Variants in SP110 observed in about 807,000 individuals in gnomAD.
The protein encoded by SP110 is SP110 nuclear body protein.
SP110 carries 62 observed loss-of-function variants against 92.7 expected under a neutral mutation model. The ratio of observed to expected loss-of-function variants is 0.67; its 90% CI spans 0.55 to 0.83. SP110 has a LOEUF of 0.83. Ranked by LOEUF, SP110 falls within the 40% of genes least tolerant of loss-of-function variation. The probability of loss-of-function intolerance (pLI) is 0.00; values close to 1 mark genes in which losing one functional copy is unlikely to be tolerated. For missense variants in SP110, 793 were observed against 863.9 expected (o/e 0.92, Z 1.03); for synonymous variants, 273 against 305.3 (o/e 0.89, Z 1.10).
At chr2:230,195,885 C>T (rs1011983689) in intron 10 of SP110, among the ~76,000 whole-genome samples, 3 of 151,878 alleles carry the variant, frequency 2.0e-5, no homozygotes, top group African/African-American at 7.3e-5. Context: ...AGGTTAATAT[C>T]CTTATTAGAT....
intron 1 of SP110, among the ~76,000 whole-genome samples, chr2:230,225,228 T>C (rs10209615): frequency 0.13 from 20,410 of 152,238 alleles, 1,529 homozygotes; most frequent in Middle Eastern, 0.23. Flanking sequence ...ACCTCATTTC[T>C]CTGCCCAACC....
intron 14 of SP110, among the ~76,000 whole-genome samples, chr2:230,176,946 C>T (rs1444930792): frequency 1.3e-5 from 2 of 152,196 alleles, no homozygotes; most frequent in African/African-American, 4.8e-5. Flanking sequence ...AAACCCACGA[C>T]CCTAGTTCTT....
chr2:230,172,247 G>A, intron 15 of SP110, 73 bp from the exon 16 acceptor site: 1 of 955,234 alleles, frequency 1.0e-6, no homozygotes, highest in South Asian at 1.3e-5. Context: ...GGCTGCCACT[G>A]TCTTCCCTCA....
intron 14 of SP110, 117 bp from the exon 15 acceptor site, chr2:230,173,076 T>G: frequency 1.4e-6 from 1 of 718,870 alleles, no homozygotes; most frequent in South Asian, 1.5e-5. Flanking sequence ...CCAAACCCAA[T>G]TTTTGATGGG....
rs1036778665 is a variant in SP110 at position 230,168,997 on chromosome 2, A to T, written c.*127T>A. 6.6e-6 allele frequency: 5 copies of T among 756,728 alleles called. No homozygotes were observed. In the Admixed American group the frequency reaches 8.6e-5, roughly 13 times the overall value. The allele number at this position is 756,728 out of a possible 1,614,324, so 46.9% of individuals were successfully genotyped here. A position where few individuals can be genotyped will look rare whatever the true frequency, so the allele number is the denominator to read the frequency against. On this transcript the variant is annotated 3_prime_UTR_variant, in exon 19 of 19. Transcript: ENST00000258381. ...AGATGGAGGGTGTGATAATCCTATG[A>T]AGTGTCTGGGTTTGGGTCCTGAGGG...
Position 230,216,936 on chromosome 2 carries a change from A to C in SP110, c.-1-8T>G, listed in dbSNP as rs762131609. The C allele has an allele frequency of 6.2e-7, 1 of 1,612,560 alleles. No homozygotes were observed. Among genetic ancestry groups the C allele is most frequent in the South Asian group, 1.1e-5 (1 of 90,972 alleles). On this transcript the variant is annotated splice_region_variant and splice_polypyrimidine_tract_variant and intron_variant, in intron 1 of 18. Coordinates refer to ENST00000258381, the MANE Select transcript of SP110 (RefSeq NM_080424.4). ...CTTGTCATGGTGAACATCCTATGGAAAGAGGCATGATAAAAAATAGAAGCA... is the reference window on the plus strand; with the variant it reads ...CTTGTCATGGTGAACATCCTATGGACAGAGGCATGATAAAAAATAGAAGCA...
In SP110 at chr2:230,193,665, G is replaced by A. The variant is rs193115997; in HGVS notation, c.1129+7220C>T. On this transcript the variant is annotated intron_variant, in intron 10 of 18. Transcript: ENST00000258381. ...CTTGGCTGAGAGTTATTCTGTTTAA[G>A]GAGACTAAAGATAAGACTCCAATCC... is the stretch of plus-strand genomic sequence containing the variant. 7.9e-5 allele frequency among the ~76,000 whole-genome samples: 12 copies of A among 152,294 alleles called. No individual in the cohort carries two copies. In the East Asian group the frequency reaches 2.3e-3, roughly 29 times the overall value.
chr2:230,201,133 G>A (rs1362159779), intron 9 of SP110, among the ~76,000 whole-genome samples, 168 bp from the exon 10 acceptor site: 2 of 152,148 alleles, frequency 1.3e-5, no homozygotes, highest in East Asian at 3.8e-4. Context: ...ATGACACTGT[G>A]CCTGTCTGCC....
At chr2:230,172,712 ACCCAGAGAGG>A in intron 15 of SP110, 122 bp downstream of exon 15, 1 of 656,798 alleles carries the variant, frequency 1.5e-6, no homozygotes, top group Non-Finnish European at 2.8e-6. Context: ...AGTCTCAGAG[ACCCAGAGAGG>A]CCCAGAGTCT....
intron 16 of SP110, 140 bp from the exon 17 acceptor site, chr2:230,171,907 G>A (rs2106347415): frequency 2.4e-6 from 2 of 849,102 alleles, no homozygotes; most frequent in South Asian, 2.7e-5. Flanking sequence ...CACAGGGTGT[G>A]TGGGATTTTG....
rs891379276 is a variant in SP110 at position 230,166,709 on chromosome 2, A to T, written c.*2415T>A. On this transcript the variant is annotated 3_prime_UTR_variant, in exon 19 of 19. Transcript: ENST00000258381. ...GTACCTGGGGATTGAGCAAGTGAGT[A>T]AATAATACTGTTGGAGAAGGGAGAC... Among the ~76,000 whole-genome samples the T allele has an allele frequency of 1.3e-5, 2 of 152,222 alleles. No homozygotes were observed. Among genetic ancestry groups the T allele is most frequent in the African/African-American group, 4.8e-5 (2 of 41,460 alleles).
chr2:230,185,283 A>G (rs1204068280), intron 11 of SP110, among the ~76,000 whole-genome samples: 1 of 152,162 alleles, frequency 6.6e-6, no homozygotes, highest in Non-Finnish European at 1.5e-5. Flanking sequence ...AAGTTATCAC[A>G]TGGGCATTCC....
At chr2:230,223,557 T>C (rs1372674365), upstream of SP110, among the ~76,000 whole-genome samples, 1 of 152,232 alleles carries the variant, frequency 6.6e-6, no homozygotes, top group Non-Finnish European at 1.5e-5. Context: ...TCCCAAATCC[T>C]GACTGATAAA....
intron 10 of SP110, among the ~76,000 whole-genome samples, chr2:230,199,054 C>T (rs531420347): frequency 6.6e-6 from 1 of 151,932 alleles, no homozygotes; most frequent in South Asian, 2.1e-4. Flanking sequence ...GATGGAGCAA[C>T]AAGCAAGAAT....
At chr2:230,191,658 C>T (rs757664672) in intron 10 of SP110, among the ~76,000 whole-genome samples, 7 of 152,076 alleles carry the variant, frequency 4.6e-5, no homozygotes, top group Non-Finnish European at 1.0e-4. Context: ...ACCAACAACA[C>T]AAAACCCAGG....
chr2:230,204,784 G>C (rs1391452888), intron 8 of SP110, among the ~76,000 whole-genome samples: 1 of 152,186 alleles, frequency 6.6e-6, no homozygotes, highest in Non-Finnish European at 1.5e-5. Context: ...GTCAGAGTAT[G>C]TATTCCTGAG....
chr2:230,221,110 A>G (rs940025472), upstream of SP110, among the ~76,000 whole-genome samples: 3 of 151,816 alleles, frequency 2.0e-5, no homozygotes, highest in African/African-American at 4.8e-5. Flanking sequence ...GTGAAACCCC[A>G]TCTCTACTAA....
In SP110 at chr2:230,209,567, T is replaced by C. The variant is rs567012184; in HGVS notation, c.829+364A>G. On this transcript the variant is annotated intron_variant, in intron 7 of 18. Transcript: ENST00000258381. ...GTCTCTCACCATGAGGTGTGAGTGATGGATGGCAGAGAATGCCTAGCCATG... is the reference window on the plus strand; with the variant it reads ...GTCTCTCACCATGAGGTGTGAGTGACGGATGGCAGAGAATGCCTAGCCATG... Among the ~76,000 whole-genome samples, 327 of 152,232 alleles carry C rather than the reference T, an allele frequency of 2.1e-3. 1 individual carries two copies. Among genetic ancestry groups the C allele is most frequent in the Non-Finnish European group, 3.3e-3 (224 of 67,994 alleles).
chr2:230,171,839 A>G (rs1022332718), intron 16 of SP110, 72 bp from the exon 17 acceptor site: 3 of 1,161,278 alleles, frequency 2.6e-6, no homozygotes, highest in Non-Finnish European at 3.9e-6. Context: ...GTGTCTAGAC[A>G]TGCACACGGA....
Sources: allele counts gnomAD v4.1 joint callset (sites outside exome capture counted in the v4.1 genomes callset), GRCh38; gene constraint gnomAD v4.1.1; transcripts MANE v1.5; gene names NCBI Gene and HGNC (gene_info 2026-07-23, HGNC 2026-07-21).